Variants in TMEM178B observed in about 807,000 individuals in gnomAD.
The protein encoded by TMEM178B is transmembrane protein 178B.
Under a neutral mutation model 31.0 loss-of-function variants are expected in TMEM178B, and 5 were observed. The observed-to-expected ratio is 0.16, with a 90% confidence interval of 0.08 to 0.34. The LOEUF (loss-of-function observed/expected upper bound fraction) is 0.34. Ranked by LOEUF, TMEM178B falls within the 10% of genes least tolerant of loss-of-function variation. The probability of loss-of-function intolerance (pLI) is 1.00; values close to 1 mark genes in which losing one functional copy is unlikely to be tolerated. For synonymous variants in TMEM178B, 164 were observed against 164.0 expected (o/e 1.00, Z 0.00); for missense variants, 275 against 400.3 (o/e 0.69, Z 2.67).
At chr7:141,420,212 C>CAT (rs1801179753) in intron 2 of TMEM178B, among the ~76,000 whole-genome samples, 1 of 151,924 alleles carries the variant, frequency 6.6e-6, no homozygotes, top group Non-Finnish European at 1.5e-5. Flanking sequence ...ACTACATACA[C>CAT]ATATATATGA....
At chr7:141,470,435 A>G in intron 3 of TMEM178B, 101 bp from the exon 4 acceptor site, 1 of 1,281,718 alleles carries the variant, frequency 7.8e-7, no homozygotes, top group Non-Finnish European at 1.0e-6. Context: ...ACTCAAGAAA[A>G]TTGAAAATGT....
chr7:141,387,836 T>G (rs562189069), intron 2 of TMEM178B, among the ~76,000 whole-genome samples: 66 of 152,146 alleles, frequency 4.3e-4, no homozygotes, highest in Admixed American at 9.8e-4. Context: ...GCTCTGTTCT[T>G]CTGTCACAGA....
Position 141,117,812 on chromosome 7 carries a change from A to C in TMEM178B, c.382+43120A>C, listed in dbSNP as rs1795343551. Among the ~76,000 whole-genome samples, 3 of 152,220 alleles carry C rather than the reference A, an allele frequency of 2.0e-5. No individual in the cohort carries two copies. The South Asian group carries it at 6.2e-4, about 32-fold the overall frequency. On this transcript the variant is annotated intron_variant, in intron 1 of 3. Coordinates refer to ENST00000565468, the MANE Select transcript of TMEM178B (RefSeq NM_001195278.2). ...TTTTGTCAGGTTTGTCAAAGATCAG[A>C]TGGTTGTAGATGTGTGGCGTTTTTT...
At chr7:141,338,993 A>G (rs577916925) in intron 2 of TMEM178B, among the ~76,000 whole-genome samples, 1 of 152,234 alleles carries the variant, frequency 6.6e-6, no homozygotes, top group Admixed American at 6.5e-5. Context: ...ATATGTGGGG[A>G]CTTCCATGGC....
At chr7:141,377,328 C>T (rs552831002) in intron 2 of TMEM178B, among the ~76,000 whole-genome samples, 9 of 151,992 alleles carry the variant, frequency 5.9e-5, no homozygotes, top group Middle Eastern at 3.4e-3. Flanking sequence ...GGATTACAGG[C>T]GCTTACCACC....
chr7:141,412,260 G>A (rs1801004934), intron 2 of TMEM178B, among the ~76,000 whole-genome samples: 1 of 152,208 alleles, frequency 6.6e-6, no homozygotes, highest in African/African-American at 2.4e-5. Context: ...GTGAATCAAT[G>A]TTGTCATTCT....
At chr7:141,351,252 A>C (rs1195816452) in intron 2 of TMEM178B, among the ~76,000 whole-genome samples, 1 of 152,240 alleles carries the variant, frequency 6.6e-6, no homozygotes, top group Admixed American at 6.5e-5. Context: ...TTAGACCAAA[A>C]GTTTCTGAGT....
chr7:141,491,887 C>G, the TMEM178B span, among the ~76,000 whole-genome samples: 1 of 152,272 alleles, frequency 6.6e-6, no homozygotes, highest in African/African-American at 2.4e-5. Flanking sequence ...CTCCCCTGGA[C>G]CACCACAGTC....
chr7:141,344,618 T>TCCTTCCTC lies in TMEM178B; in HGVS notation c.497-92983_497-92982insCCCTTCCT, dbSNP rs1554478081. On this transcript the variant is annotated intron_variant, in intron 2 of 3. Transcript: ENST00000565468. The surrounding 1 kb of genome is among the most constrained non-coding windows in gnomAD (Gnocchi z 4.1). ...TTCCTTCCTTCCTTCCTTCCTTCCT[T>TCCTTCCTC]CCTTCCTTCCTCCCTTCCTTCTTCC... Among the ~76,000 whole-genome samples, 4 of 147,152 alleles carry TCCTTCCTC rather than the reference T, an allele frequency of 2.7e-5. No homozygotes were observed. Among genetic ancestry groups the TCCTTCCTC allele is most frequent in the African/African-American group, 5.1e-5 (2 of 39,296 alleles).
Position 141,083,490 on chromosome 7 carries a change from GGA to G in TMEM178B, c.382+8813_382+8814del, listed in dbSNP as rs1159476254. 6.0e-5 allele frequency among the ~76,000 whole-genome samples: 7 copies of G among 116,106 alleles called. No individual in the cohort carries two copies. The East Asian group carries it at 9.0e-4, about 15-fold the overall frequency. The allele number at this position is 116,106 out of a possible 152,430, so 76.2% of individuals were successfully genotyped here. A position where few individuals can be genotyped will look rare whatever the true frequency, so the allele number is the denominator to read the frequency against. ...GGTGGGAAGAGAAAGAGGAAGGGAGGGAGAGAGAGAGAGAGACAGACAGACAG... is the reference window on the plus strand; with the variant it reads ...GGTGGGAAGAGAAAGAGGAAGGGAGGGAGAGAGAGAGAGACAGACAGACAG... On this transcript the variant is annotated intron_variant, in intron 1 of 3. Transcript: ENST00000565468.
chr7:141,215,207 A>G (rs1303588753), intron 2 of TMEM178B, among the ~76,000 whole-genome samples: 1 of 152,164 alleles, frequency 6.6e-6, no homozygotes, highest in Non-Finnish European at 1.5e-5. Context: ...CTCCTGATCA[A>G]ACATTGGAAA....
intron 1 of TMEM178B, among the ~76,000 whole-genome samples, chr7:141,197,206 T>A (rs963178125): frequency 2.6e-5 from 4 of 152,226 alleles, no homozygotes. Flanking sequence ...TATTGAATTC[T>A]CACAATATCC....
chr7:141,283,351 A>C (rs910749329), intron 2 of TMEM178B, among the ~76,000 whole-genome samples: 1 of 152,178 alleles, frequency 6.6e-6, no homozygotes, highest in Non-Finnish European at 1.5e-5. Flanking sequence ...GTGGGAATGA[A>C]GATATCAGTC....
At chr7:141,100,496 A>G (rs1027944547) in intron 1 of TMEM178B, among the ~76,000 whole-genome samples, 29 of 152,332 alleles carry the variant, frequency 1.9e-4, no homozygotes, top group African/African-American at 7.0e-4. Flanking sequence ...CAGGAAAACT[A>G]GTCAATCTCC....
intron 2 of TMEM178B, among the ~76,000 whole-genome samples, chr7:141,376,323 T>C (rs766881661): frequency 1.3e-5 from 2 of 152,264 alleles, no homozygotes; most frequent in Non-Finnish European, 2.9e-5. Context: ...ACTGGGTATG[T>C]ACCTACTTGG....
chr7:141,469,710 A>G (rs558968763), intron 3 of TMEM178B, among the ~76,000 whole-genome samples: 1 of 152,350 alleles, frequency 6.6e-6, no homozygotes, highest in South Asian at 2.1e-4. Context: ...AACTTGTTGT[A>G]TTAGTTTAAA....
chr7:141,336,781 CACCACCACA>C (rs1226180789), intron 2 of TMEM178B, among the ~76,000 whole-genome samples: 7 of 151,028 alleles, frequency 4.6e-5, no homozygotes, highest in Admixed American at 4.6e-4. Context: ...TCATCACCAT[CACCACCACA>C]ACCACCACCA....
chr7:141,119,078 G>T (rs1795368709), intron 1 of TMEM178B, among the ~76,000 whole-genome samples: 1 of 152,166 alleles, frequency 6.6e-6, no homozygotes, highest in Non-Finnish European at 1.5e-5. Context: ...ACTGGAAGGG[G>T]CATGGGAGAA....
intron 3 of TMEM178B, among the ~76,000 whole-genome samples, chr7:141,439,429 A>G (rs62486699): frequency 0.022 from 3,337 of 152,108 alleles, 70 homozygotes; most frequent in African/African-American, 0.055. Context: ...ACAGAGGCTG[A>G]CAAAACCAGG....
Sources: allele counts gnomAD v4.1 joint callset (sites outside exome capture counted in the v4.1 genomes callset), GRCh38; gene constraint gnomAD v4.1.1; non-coding constraint Gnocchi (gnomAD v3.1); transcripts MANE v1.5; gene names NCBI Gene and HGNC (gene_info 2026-07-23, HGNC 2026-07-21).